ANO3: variants seen among roughly 807,000 people sequenced by gnomAD.
ANO3 encodes the protein anoctamin-3.
Under a neutral mutation model 144.8 loss-of-function variants are expected in ANO3, and 99 were observed. The observed-to-expected ratio is 0.68, with a 90% CI of 0.58 to 0.81. The LOEUF is 0.81. Ranked by LOEUF, ANO3 falls within the 30% of genes least tolerant of loss-of-function variation. ANO3 has a pLI of 0.00. For synonymous variants in ANO3, 414 were observed against 392.6 expected (o/e 1.05, Z -0.64); for missense variants, 905 against 1,202.2 (o/e 0.75, Z 3.66).
At chr11:26,358,402 C>A (rs1855842390) in intron 1 of ANO3, among the ~76,000 whole-genome samples, 1 of 152,082 alleles carries the variant, frequency 6.6e-6, no homozygotes, top group African/African-American at 2.4e-5. Context: ...GATCTCTTGA[C>A]CTCGTGATCC....
chr11:26,227,310 T>A (rs1403975521), intron 1 of ANO3, among the ~76,000 whole-genome samples: 1 of 152,214 alleles, frequency 6.6e-6, no homozygotes, highest in Non-Finnish European at 1.5e-5. Flanking sequence ...TTGCTAGACT[T>A]CATTTTATAA....
At chr11:26,569,374 C>T (rs1056524544) in intron 14 of ANO3, among the ~76,000 whole-genome samples, 2 of 152,094 alleles carry the variant, frequency 1.3e-5, no homozygotes, top group African/African-American at 4.8e-5. Context: ...TTATACACTA[C>T]AGATAAGGCT....
intron 24 of ANO3, among the ~76,000 whole-genome samples, chr11:26,654,928 C>A (rs1353209783): frequency 1.3e-5 from 2 of 152,004 alleles, no homozygotes; most frequent in Non-Finnish European, 2.9e-5. Context: ...CCTTGTATTG[C>A]GAGAATTAGC....
chr11:26,468,425 C>G (rs1448815079), intron 4 of ANO3, among the ~76,000 whole-genome samples: 1 of 151,950 alleles, frequency 6.6e-6, no homozygotes, highest in African/African-American at 2.4e-5. Flanking sequence ...CAAGGAAAAT[C>G]TGGACATGAA....
At chr11:26,337,192 A>T (rs1855216151) in intron 1 of ANO3, among the ~76,000 whole-genome samples, 1 of 152,242 alleles carries the variant, frequency 6.6e-6, no homozygotes, top group South Asian at 2.1e-4. Flanking sequence ...ACTGTAACTT[A>T]AAAAATCTTG....
intron 2 of ANO3, 146 bp downstream of exon 2, chr11:26,442,258 C>T: frequency 1.3e-6 from 1 of 744,082 alleles, no homozygotes; most frequent in South Asian, 2.0e-5. Context: ...TACACCATGC[C>T]ATTTGTTGGC....
At chr11:26,194,043 T>G (rs1851529155) in intron 1 of ANO3, among the ~76,000 whole-genome samples, 1 of 152,280 alleles carries the variant, frequency 6.6e-6, no homozygotes, top group South Asian at 2.1e-4. Context: ...TTAAGAACAT[T>G]AAATGATAGA....
At chr11:26,236,614 C>G (rs913710519) in intron 1 of ANO3, among the ~76,000 whole-genome samples, 2 of 151,808 alleles carry the variant, frequency 1.3e-5, no homozygotes, top group African/African-American at 2.4e-5. Context: ...GTCAGGAGAC[C>G]AAGACCATCC....
intron 4 of ANO3, among the ~76,000 whole-genome samples, chr11:26,502,223 T>G (rs535904857): frequency 7.9e-5 from 12 of 152,200 alleles, no homozygotes; most frequent in Admixed American, 7.2e-4. Flanking sequence ...ATTATATAGT[T>G]TTACCTGATT....
At chr11:26,619,714 A>C (rs1278092714) in intron 17 of ANO3, among the ~76,000 whole-genome samples, 1 of 152,110 alleles carries the variant, frequency 6.6e-6, no homozygotes, top group Non-Finnish European at 1.5e-5. Flanking sequence ...AGATCCGCCC[A>C]CTTTGGCCTC....
intron 1 of ANO3, among the ~76,000 whole-genome samples, chr11:26,310,886 T>A (rs1854488503): frequency 6.6e-6 from 1 of 152,224 alleles, no homozygotes; most frequent in South Asian, 2.1e-4. Flanking sequence ...ATACACACAG[T>A]AAAAGCCACT....
chr11:26,403,097 T>C (rs548774458), intron 1 of ANO3, among the ~76,000 whole-genome samples: 8 of 152,104 alleles, frequency 5.3e-5, no homozygotes, highest in African/African-American at 1.7e-4. Context: ...TTCCAGACTT[T>C]GCTGACTGCA....
intron 20 of ANO3, among the ~76,000 whole-genome samples, chr11:26,637,939 A>G (rs781075001): frequency 3.3e-5 from 5 of 152,168 alleles, no homozygotes; most frequent in Non-Finnish European, 5.9e-5. Flanking sequence ...GAATACTGCA[A>G]AGTTTTCAAG....
At chr11:26,593,730 T>C (rs1463262328) in intron 14 of ANO3, among the ~76,000 whole-genome samples, 1 of 152,192 alleles carries the variant, frequency 6.6e-6, no homozygotes, top group African/African-American at 2.4e-5. Context: ...ACAATCTTTT[T>C]TAAAGTGTCC....
intron 1 of ANO3, among the ~76,000 whole-genome samples, chr11:26,366,116 G>T (rs1027635152): frequency 6.6e-6 from 1 of 151,580 alleles, no homozygotes; most frequent in Non-Finnish European, 1.5e-5. Flanking sequence ...TTTACATTAG[G>T]TATATCTCCT....
At chr11:26,191,792 T>C (rs1851483104) in intron 1 of ANO3, among the ~76,000 whole-genome samples, 1 of 152,204 alleles carries the variant, frequency 6.6e-6, no homozygotes, top group Non-Finnish European at 1.5e-5. Flanking sequence ...CCGAAATGCA[T>C]ATGGCCATAT....
chr11:26,385,676 G>T (rs1856705610), intron 1 of ANO3, among the ~76,000 whole-genome samples: 1 of 151,990 alleles, frequency 6.6e-6, no homozygotes, highest in East Asian at 1.9e-4. Context: ...GCCTATCGGG[G>T]TAATCCATAT....
intron 4 of ANO3, chr11:26,473,997 G>T: frequency 2.0e-6 from 2 of 985,066 alleles, no homozygotes; most frequent in Non-Finnish European, 2.4e-6. Context: ...TCTAGTTAAT[G>T]GAAAAAGCAG....
chr11:26,409,552 A>G (rs1363152076), intron 1 of ANO3, among the ~76,000 whole-genome samples: 2 of 151,962 alleles, frequency 1.3e-5, no homozygotes, highest in East Asian at 1.9e-4. Context: ...AGGGACAACA[A>G]TTACATGAAT....
Sources: allele counts gnomAD v4.1 joint callset (sites outside exome capture counted in the v4.1 genomes callset), GRCh38; gene constraint gnomAD v4.1.1; transcripts MANE v1.5; gene names NCBI Gene and HGNC (gene_info 2026-07-23, HGNC 2026-07-21).